Variants in GPC5 observed in about 807,000 individuals in gnomAD.
The protein encoded by GPC5 is glypican-5.
GPC5 carries 47 observed loss-of-function variants against 53.9 expected under a neutral mutation model. The observed-to-expected ratio is 0.87, with a 90% CI of 0.69 to 1.11. The LOEUF (loss-of-function observed/expected upper bound fraction) is 1.11. Ranked by LOEUF, GPC5 falls within the 50% of genes most tolerant of loss-of-function variation. GPC5 has a pLI of 0.00. For missense variants in GPC5, 748 were observed against 713.1 expected (o/e 1.05, Z -0.56); for synonymous variants, 286 against 263.3 (o/e 1.09, Z -0.84).
At chr13:91,866,225 G>A (rs1018024819) in intron 5 of GPC5, among the ~76,000 whole-genome samples, 1 of 152,124 alleles carries the variant, frequency 6.6e-6, no homozygotes, top group Non-Finnish European at 1.5e-5. Context: ...AGGTATAAAT[G>A]TCTCAAATAA....
At chr13:92,495,994 A>G (rs1009051460) in intron 7 of GPC5, among the ~76,000 whole-genome samples, 8 of 152,090 alleles carry the variant, frequency 5.3e-5, no homozygotes, top group East Asian at 3.9e-4. Flanking sequence ...AAATTTCTGT[A>G]TCTCTTGAAT....
intron 2 of GPC5, among the ~76,000 whole-genome samples, chr13:91,535,727 T>G (rs781427531): frequency 1.4e-4 from 22 of 151,978 alleles, no homozygotes; most frequent in Non-Finnish European, 3.1e-4. Flanking sequence ...GCAGGGAGGC[T>G]TTGGGTCTTT....
intron 5 of GPC5, among the ~76,000 whole-genome samples, chr13:91,852,757 A>G (rs1036121269): frequency 2.0e-5 from 3 of 152,022 alleles, no homozygotes; most frequent in Admixed American, 6.6e-5. Context: ...AGTAATAGGA[A>G]TTTTTCAGCT....
chr13:92,739,707 T>TAAAAAAAAAA (rs912978214), intron 7 of GPC5, among the ~76,000 whole-genome samples: 1 of 127,256 alleles, frequency 7.9e-6, no homozygotes. Context: ...ACTCCCATCT[T>TAAAAAAAAAA]AAAAAAAAAA....
intron 7 of GPC5, among the ~76,000 whole-genome samples, chr13:92,623,242 A>G (rs1243187927): frequency 6.6e-6 from 1 of 152,168 alleles, no homozygotes; most frequent in Non-Finnish European, 1.5e-5. Flanking sequence ...AGACTGCAGA[A>G]AGACTCAATG....
At chr13:91,840,046 C>T (rs1028575312) in intron 5 of GPC5, among the ~76,000 whole-genome samples, 2 of 152,028 alleles carry the variant, frequency 1.3e-5, no homozygotes, top group African/African-American at 4.8e-5. Context: ...ATAATTCAAA[C>T]TATGTGAATG....
intron 6 of GPC5, among the ~76,000 whole-genome samples, chr13:92,130,545 A>G (rs2041735355): frequency 6.6e-6 from 1 of 152,130 alleles, no homozygotes; most frequent in Non-Finnish European, 1.5e-5. Context: ...TCAGGAAATA[A>G]TACAAAAGAA....
At chr13:91,463,080 C>T (rs1484369337) in intron 2 of GPC5, among the ~76,000 whole-genome samples, 2 of 151,868 alleles carry the variant, frequency 1.3e-5, no homozygotes, top group African/African-American at 4.8e-5. Context: ...GGATTTGTTC[C>T]AGGACCCCCT....
At chr13:91,438,798 T>C (rs1395924586) in intron 1 of GPC5, among the ~76,000 whole-genome samples, 1 of 152,230 alleles carries the variant, frequency 6.6e-6, no homozygotes, top group East Asian at 1.9e-4. Context: ...TGAGCTGCAG[T>C]GGGCTCCACC....
At chr13:92,549,941 G>GACTTT (rs2139014603) in intron 7 of GPC5, among the ~76,000 whole-genome samples, 3 of 148,552 alleles carry the variant, frequency 2.0e-5, no homozygotes, top group South Asian at 2.1e-4. Flanking sequence ...TGTATACTTT[G>GACTTT]GAGGCTTGAT....
At chr13:92,700,674 C>A (rs1317063686) in intron 7 of GPC5, among the ~76,000 whole-genome samples, 1 of 152,018 alleles carries the variant, frequency 6.6e-6, no homozygotes, top group Admixed American at 6.6e-5. Context: ...TAACTTGTTA[C>A]ATTTTCTTAT....
chr13:92,556,279 T>C (rs1385402781), intron 7 of GPC5, among the ~76,000 whole-genome samples: 1 of 151,800 alleles, frequency 6.6e-6, no homozygotes, highest in Non-Finnish European at 1.5e-5. Context: ...ATTTGTGTGA[T>C]CTAGTTTTAA....
At chr13:91,941,380 C>A (rs1280322277) in intron 6 of GPC5, among the ~76,000 whole-genome samples, 1 of 151,852 alleles carries the variant, frequency 6.6e-6, no homozygotes, top group Admixed American at 6.6e-5. Flanking sequence ...AGTATTCAAT[C>A]CAGTCCTTCA....
At chr13:91,831,455 T>A (rs936933602) in intron 5 of GPC5, among the ~76,000 whole-genome samples, 20 of 152,026 alleles carry the variant, frequency 1.3e-4, no homozygotes, top group Non-Finnish European at 2.2e-4. Flanking sequence ...TAATACTTTG[T>A]ATCCCTCAAT....
chr13:92,120,983 A>T (rs553148314), intron 6 of GPC5, among the ~76,000 whole-genome samples: 1 of 152,328 alleles, frequency 6.6e-6, no homozygotes, highest in East Asian at 1.9e-4. Context: ...AAGTTTCTGA[A>T]AAGACCACTA....
At chr13:92,535,523 C>G (rs1300874408) in intron 7 of GPC5, among the ~76,000 whole-genome samples, 2 of 152,094 alleles carry the variant, frequency 1.3e-5, no homozygotes, top group East Asian at 3.9e-4. Context: ...AATGAGGGTT[C>G]TGGCATCTCA....
chr13:92,591,096 C>T (rs75936070), intron 7 of GPC5, among the ~76,000 whole-genome samples: 4 of 152,104 alleles, frequency 2.6e-5, no homozygotes, highest in African/African-American at 7.2e-5. Flanking sequence ...CTTTTCATGT[C>T]CCCTTCATCA....
At chr13:92,055,875 T>C (rs989501420) in intron 6 of GPC5, among the ~76,000 whole-genome samples, 2 of 152,244 alleles carry the variant, frequency 1.3e-5, no homozygotes, top group Middle Eastern at 3.2e-3. Flanking sequence ...TCAATATTAT[T>C]ACTTTAAAAT....
At chr13:91,888,685 A>G (rs74106568) in intron 5 of GPC5, among the ~76,000 whole-genome samples, 1 of 152,278 alleles carries the variant, frequency 6.6e-6, no homozygotes, top group African/African-American at 2.4e-5. Context: ...CTTTCTGGGT[A>G]GAGTTTCTAA....
Sources: allele counts gnomAD v4.1 joint callset (sites outside exome capture counted in the v4.1 genomes callset), GRCh38; gene constraint gnomAD v4.1.1; transcripts MANE v1.5; gene names NCBI Gene and HGNC (gene_info 2026-07-23, HGNC 2026-07-21).